XKR6: variants seen among roughly 807,000 people sequenced by gnomAD.
The protein encoded by XKR6 is XK-related protein 6.
A neutral mutation model predicts 56.7 loss-of-function variants in XKR6; 22 were observed. That is an observed-to-expected ratio of 0.39 (90% CI 0.28 to 0.55). The LOEUF (loss-of-function observed/expected upper bound fraction) is 0.55. XKR6 is among the 20% of genes least tolerant of loss of function. The pLI is 0.66. For missense variants in XKR6, 852 were observed against 889.0 expected, an observed-to-expected ratio of 0.96 and a Z score of 0.53; for synonymous variants, 524 against 387.8, an observed-to-expected ratio of 1.35 and a Z score of -4.13.
At chr8:10,956,812 C>G (rs1801904320) in intron 1 of XKR6, among the ~76,000 whole-genome samples, 1 of 152,214 alleles carries the variant, frequency 6.6e-6, no homozygotes, top group Admixed American at 6.5e-5. Context: ...TGGGATTAAT[C>G]TGTCTTCAGC....
intron 2 of XKR6, among the ~76,000 whole-genome samples, chr8:10,922,342 C>T (rs890300713): frequency 1.3e-5 from 2 of 152,158 alleles, no homozygotes; most frequent in African/African-American, 4.8e-5. Context: ...GGGCAGTAGC[C>T]CTGGGATCTG....
chr8:10,982,724 C>T (rs1016701842), intron 1 of XKR6, among the ~76,000 whole-genome samples: 3 of 152,148 alleles, frequency 2.0e-5, no homozygotes, highest in Non-Finnish European at 4.4e-5. Flanking sequence ...GAGGCCCTGG[C>T]GTTTCTCTAA....
At chr8:10,939,851 C>T (rs150821636) in intron 1 of XKR6, among the ~76,000 whole-genome samples, 9 of 152,344 alleles carry the variant, frequency 5.9e-5, no homozygotes, top group Admixed American at 3.9e-4. Context: ...GGTTGTCAGG[C>T]GTCCTTGGGA....
At chr8:10,961,855 G>A (rs1444284101) in intron 1 of XKR6, among the ~76,000 whole-genome samples, 4 of 152,216 alleles carry the variant, frequency 2.6e-5, no homozygotes, top group South Asian at 2.1e-4. Flanking sequence ...AAGGGAGCCC[G>A]GTGAGAGTGG....
intron 1 of XKR6, among the ~76,000 whole-genome samples, chr8:11,157,576 C>T (rs1224199543): frequency 6.6e-6 from 1 of 152,010 alleles, no homozygotes; most frequent in Non-Finnish European, 1.5e-5. Context: ...TGTGCAGTGG[C>T]GTGATCATAG....
intron 1 of XKR6, among the ~76,000 whole-genome samples, chr8:11,065,987 G>C (rs926566019): frequency 2.0e-5 from 3 of 152,234 alleles, no homozygotes; most frequent in African/African-American, 7.2e-5. Context: ...AAATGGCAAA[G>C]GGGTTGGGGA....
At chr8:10,951,822 T>C (rs943074946) in intron 1 of XKR6, among the ~76,000 whole-genome samples, 2 of 151,958 alleles carry the variant, frequency 1.3e-5, no homozygotes, top group Non-Finnish European at 2.9e-5. Context: ...TGGCCTGAGC[T>C]GGGAGTGGGG....
intron 1 of XKR6, among the ~76,000 whole-genome samples, chr8:10,984,732 C>CTCTCTCTCTCTCTATATATATA: frequency 1.9e-3 from 88 of 47,466 alleles, no homozygotes; most frequent in African/African-American, 2.2e-3. Flanking sequence ...CTCTCTCTCT[C>CTCTCTCTCTCTCTATATATATA]TATATATATA....
At chr8:10,962,435 C>T (rs1010210593) in intron 1 of XKR6, among the ~76,000 whole-genome samples, 2 of 152,176 alleles carry the variant, frequency 1.3e-5, no homozygotes, top group African/African-American at 2.4e-5. Context: ...TAGGACTTGA[C>T]TTCCTTCTTC....
intron 1 of XKR6, among the ~76,000 whole-genome samples, chr8:10,925,680 T>C (rs974473402): frequency 1.3e-5 from 2 of 152,202 alleles, no homozygotes; most frequent in African/African-American, 4.8e-5. Context: ...AACTAGTTAT[T>C]CCAGCTCTGT....
intron 1 of XKR6, among the ~76,000 whole-genome samples, chr8:11,175,762 C>T (rs1164052875): frequency 6.6e-6 from 1 of 152,164 alleles, no homozygotes. Context: ...CTTCCTTCTC[C>T]TACTAGCCCA....
chr8:10,972,067 TA>T (rs1802424806), intron 1 of XKR6, among the ~76,000 whole-genome samples: 1 of 152,190 alleles, frequency 6.6e-6, no homozygotes, highest in Non-Finnish European at 1.5e-5. Context: ...GACCTGTTGT[TA>T]AATATTTCTG....
chr8:11,193,379 A>G (rs1585041266), intron 1 of XKR6, among the ~76,000 whole-genome samples: 1 of 152,338 alleles, frequency 6.6e-6, no homozygotes, highest in East Asian at 1.9e-4. Flanking sequence ...AGGGTGCTGT[A>G]GTATGTTTTG....
At chr8:10,930,903 A>G (rs1801033169) in intron 1 of XKR6, among the ~76,000 whole-genome samples, 1 of 152,226 alleles carries the variant, frequency 6.6e-6, no homozygotes, top group South Asian at 2.1e-4. Flanking sequence ...CTCCTATTCA[A>G]CATCATACTA....
At chr8:10,981,472 G>A (rs576394700) in intron 1 of XKR6, among the ~76,000 whole-genome samples, 66 of 152,170 alleles carry the variant, frequency 4.3e-4, no homozygotes, top group Admixed American at 1.1e-3. Flanking sequence ...GAGATGAAGC[G>A]TTTCCAGAAA....
chr8:10,963,642 A>G (rs1418442120), intron 1 of XKR6, among the ~76,000 whole-genome samples: 1 of 152,008 alleles, frequency 6.6e-6, no homozygotes, highest in Non-Finnish European at 1.5e-5. Flanking sequence ...CCCAGGCTCA[A>G]GCAATCCTCC....
chr8:11,076,341 C>T (rs1356509539), intron 1 of XKR6, among the ~76,000 whole-genome samples: 2 of 152,180 alleles, frequency 1.3e-5, no homozygotes, highest in Non-Finnish European at 2.9e-5. Flanking sequence ...CACAACTCAA[C>T]CATACACTTA....
chr8:11,024,197 G>A (rs545424683), intron 1 of XKR6, among the ~76,000 whole-genome samples: 1 of 148,370 alleles, frequency 6.7e-6, no homozygotes. Flanking sequence ...CAACATACCT[G>A]TTAGGAGGTG....
intron 1 of XKR6, among the ~76,000 whole-genome samples, chr8:10,957,794 G>C (rs1378329762): frequency 1.3e-5 from 2 of 152,148 alleles, no homozygotes; most frequent in Non-Finnish European, 2.9e-5. Context: ...AAACTGGGGA[G>C]TGGGGAAATC....
Sources: allele counts gnomAD v4.1 joint callset (sites outside exome capture counted in the v4.1 genomes callset), GRCh38; gene constraint gnomAD v4.1.1; transcripts MANE v1.5; gene names NCBI Gene and HGNC (gene_info 2026-07-23, HGNC 2026-07-21).